Variants in PLPPR5 observed in about 807,000 individuals in gnomAD.
PLPPR5 encodes the protein phospholipid phosphatase related 5.
Under a neutral mutation model 33.9 loss-of-function variants are expected in PLPPR5, and 16 were observed. That is an observed-to-expected ratio of 0.47 (90% CI 0.32 to 0.72). The LOEUF is 0.72. PLPPR5 is among the 30% of genes least tolerant of loss of function. The pLI, the probability that PLPPR5 is intolerant of heterozygous loss-of-function variation, is 0.03. For missense variants in PLPPR5, 301 were observed against 406.7 expected (o/e 0.74, Z 2.23); for synonymous variants, 163 against 150.3 (o/e 1.08, Z -0.62).
chr1:98,945,643 A>G (rs561704056), intron 3 of PLPPR5, among the ~76,000 whole-genome samples: 1 of 152,232 alleles, frequency 6.6e-6, no homozygotes, highest in Non-Finnish European at 1.5e-5. Context: ...TGAAATAAAT[A>G]CAGCCATACT....
rs576373415 is a variant in PLPPR5, at chr1:98,891,028, G to A, written c.*2044C>T. The A allele has an allele frequency of 6.6e-6, 1 of 152,188 alleles. No homozygotes were observed. Among genetic ancestry groups the A allele is most frequent in the South Asian group, 2.1e-4 (1 of 4,824 alleles). The allele number at this position is 152,188 out of a possible 1,614,324, so 9.4% of individuals were successfully genotyped here. A position where few individuals can be genotyped will look rare whatever the true frequency, so the allele number is the denominator to read the frequency against. On this transcript the variant is annotated 3_prime_UTR_variant, in exon 6 of 6. Transcript: ENST00000263177. ...CAATAGAACTGATAGAAGTCTGGAA[G>A]CCTTACTAGTAATCTAGCTTTCTAA...
intron 3 of PLPPR5, among the ~76,000 whole-genome samples, chr1:98,941,202 T>A (rs1650354583): frequency 6.6e-6 from 1 of 151,866 alleles, no homozygotes; most frequent in Non-Finnish European, 1.5e-5. Context: ...GACATTGCAA[T>A]GAAGCACTTA....
At chr1:98,945,887 C>G (rs994935054) in intron 3 of PLPPR5, among the ~76,000 whole-genome samples, 15 of 152,172 alleles carry the variant, frequency 9.9e-5, no homozygotes, top group Non-Finnish European at 1.6e-4. Context: ...AGGTCTAGAT[C>G]TGACTTGCCT....
At chr1:98,901,256 G>A (rs1648684754) in intron 5 of PLPPR5, among the ~76,000 whole-genome samples, 1 of 152,074 alleles carries the variant, frequency 6.6e-6, no homozygotes, top group Non-Finnish European at 1.5e-5. Flanking sequence ...CAAAACGCGA[G>A]GAACCAAGAC....
intron 3 of PLPPR5, among the ~76,000 whole-genome samples, chr1:98,949,923 T>C (rs1650713100): frequency 6.6e-6 from 1 of 152,204 alleles, no homozygotes; most frequent in South Asian, 2.1e-4. Context: ...TCCTAGTTTG[T>C]AGTCTGAACC....
rs1312124896 is a variant in PLPPR5 at position 98,892,965 on chromosome 1, TAAAC to T, written c.*103_*106del. ...TTGATTTTAAAATTATAAAAATTAT[TAAAC>T]AACTTTATAAACTTCACTTGCAATC... On this transcript the variant is annotated 3_prime_UTR_variant, in exon 6 of 6. Transcript: ENST00000263177. 1.1e-5 allele frequency: 12 copies of T among 1,091,796 alleles called. No individual in the cohort carries two copies. Among genetic ancestry groups the T allele is most frequent in the Non-Finnish European group, 1.6e-5 (12 of 742,334 alleles). 67.6% of individuals were successfully genotyped at this position (1,091,796 alleles called of 1,614,324 possible).
chr1:98,942,098 G>A (rs1650395346), intron 3 of PLPPR5, among the ~76,000 whole-genome samples: 1 of 147,594 alleles, frequency 6.8e-6, no homozygotes, highest in African/African-American at 2.4e-5. Context: ...GAGAGAGGAA[G>A]TCTCGCTCTG....
chr1:99,002,092 C>T (rs150145873), intron 1 of PLPPR5, among the ~76,000 whole-genome samples: 43 of 152,168 alleles, frequency 2.8e-4, no homozygotes, highest in African/African-American at 1.0e-3. Context: ...GCTAACCCAG[C>T]GTTCTTGAGA....
chr1:98,913,783 C>T (rs149313035), intron 5 of PLPPR5, among the ~76,000 whole-genome samples: 1 of 152,276 alleles, frequency 6.6e-6, no homozygotes, highest in East Asian at 1.9e-4. Flanking sequence ...CAGTAGTAGC[C>T]CTCAGAGCAA....
chr1:98,950,554 T>C (rs1248255116), intron 3 of PLPPR5, among the ~76,000 whole-genome samples: 2 of 152,248 alleles, frequency 1.3e-5, no homozygotes, highest in African/African-American at 4.8e-5. Flanking sequence ...CTGTCTCCTG[T>C]AGCAATGCCT....
intron 3 of PLPPR5, among the ~76,000 whole-genome samples, chr1:98,940,213 G>GT (rs1043805467): frequency 1.6e-4 from 25 of 151,816 alleles, no homozygotes; most frequent in African/African-American, 6.0e-4. Context: ...CAAGATGAGG[G>GT]TGCTGGCATA....
intron 1 of PLPPR5, among the ~76,000 whole-genome samples, chr1:98,974,203 T>C (rs967865819): frequency 6.6e-6 from 1 of 151,978 alleles, no homozygotes; most frequent in African/African-American, 2.4e-5. Context: ...AAAATTATCA[T>C]GCCATGAAAA....
intron 1 of PLPPR5, among the ~76,000 whole-genome samples, chr1:98,963,766 G>A (rs1027311654): frequency 2.6e-5 from 4 of 152,142 alleles, no homozygotes; most frequent in African/African-American, 7.2e-5. Context: ...AGGGCACAAA[G>A]CACCTCATAA....
At chr1:98,920,456 C>CAAAAAAA (rs67392220) in intron 4 of PLPPR5, among the ~76,000 whole-genome samples, 1 of 94,110 alleles carries the variant, frequency 1.1e-5, no homozygotes, top group Non-Finnish European at 2.2e-5. Flanking sequence ...TGAGTCAATG[C>CAAAAAAA]AAAAAAAAAA....
chr1:98,953,351 T>C, intron 2 of PLPPR5, 31 bp from the exon 3 acceptor site: 1 of 1,476,060 alleles, frequency 6.8e-7, no homozygotes, highest in Non-Finnish European at 9.1e-7. Context: ...TTTTAACTTC[T>C]TGCTTGTGTG....
chr1:99,004,535 T>C lies in PLPPR5; in HGVS notation c.137A>G (p.His46Arg), dbSNP rs909498132. Reference protein sequence around the residue: ...FTVNVQGFFCHDSAYRKPYPG... With the variant: ...FTVNVQGFFCRDSAYRKPYPG... ...GTAGGGTTTGCGGTAGGCGCTGTCG[T>C]GGCAGAAGAAGCCCTGCACGTTCAC... The change falls in exon 1 of 6, where the codon CAC (histidine) becomes CGC (arginine). Residue 46 changes from histidine to arginine, a missense_variant. By Grantham distance (29) the His-to-Arg change is conservative. Coordinates refer to ENST00000263177, the MANE Select transcript of PLPPR5 (RefSeq NM_001037317.2). 4 of 1,612,964 alleles carry C rather than the reference T, an allele frequency of 2.5e-6. No individual in the cohort carries two copies. Among genetic ancestry groups the C allele is most frequent in the Non-Finnish European group, 3.4e-6 (4 of 1,179,864 alleles).
intron 1 of PLPPR5, among the ~76,000 whole-genome samples, chr1:98,994,311 G>A (rs982722927): frequency 1.3e-4 from 20 of 151,970 alleles, no homozygotes; most frequent in Non-Finnish European, 2.8e-4. Context: ...TCCTCTTTTT[G>A]TACTTCCATT....
intron 1 of PLPPR5, among the ~76,000 whole-genome samples, chr1:98,983,545 C>T (rs1346544610): frequency 3.6e-4 from 54 of 150,708 alleles, no homozygotes; most frequent in African/African-American, 1.3e-3. Context: ...CTGCAATAAA[C>T]ATATGTGTGC....
At chr1:98,895,487 A>T (rs1423964744) in intron 5 of PLPPR5, among the ~76,000 whole-genome samples, 4 of 152,050 alleles carry the variant, frequency 2.6e-5, no homozygotes, top group Admixed American at 2.6e-4. Context: ...AGCTATTGAG[A>T]TCTAGAAAAT....
Sources: allele counts gnomAD v4.1 joint callset (sites outside exome capture counted in the v4.1 genomes callset), GRCh38; gene constraint gnomAD v4.1.1; transcripts MANE v1.5; gene names NCBI Gene and HGNC (gene_info 2026-07-23, HGNC 2026-07-21).